TSPEAR: variants seen among roughly 807,000 people sequenced by gnomAD.
The protein encoded by TSPEAR is thrombospondin-type laminin G domain and EAR repeat-containing protein.
TSPEAR carries 69 observed loss-of-function variants against 71.6 expected under a neutral mutation model. The observed-to-expected ratio is 0.96, with a 90% confidence interval of 0.79 to 1.18. The LOEUF (loss-of-function observed/expected upper bound fraction) is 1.18. Ranked by LOEUF, TSPEAR falls within the 50% of genes most tolerant of loss-of-function variation. The pLI, the probability that TSPEAR is intolerant of heterozygous loss-of-function variation, is 0.00. For synonymous variants in TSPEAR, 402 were observed against 387.2 expected (o/e 1.04, Z -0.45); for missense variants, 971 against 894.9 (o/e 1.09, Z -1.09).
At chr21:44,539,070 G>C in intron 2 of TSPEAR, 1 of 671,254 alleles carries the variant, frequency 1.5e-6, no homozygotes, top group Non-Finnish European at 2.5e-6. Flanking sequence ...GAGAAGCTGG[G>C]AGGGAGGACA....
intron 11 of TSPEAR, among the ~76,000 whole-genome samples, chr21:44,502,605 C>T (rs1004925465): frequency 3.9e-5 from 6 of 152,278 alleles, no homozygotes; most frequent in Admixed American, 2.6e-4. Flanking sequence ...GATGTCCACA[C>T]GCCGCATCCC....
chr21:44,539,088 T>C (rs587717851), intron 2 of TSPEAR: 151 of 789,514 alleles, frequency 1.9e-4, no homozygotes, highest in African/African-American at 1.3e-3. Flanking sequence ...ACAGGGGACC[T>C]AGCAGGCAGG....
chr21:44,599,710 G>T (rs1195256120), intron 1 of TSPEAR, among the ~76,000 whole-genome samples: 4 of 152,254 alleles, frequency 2.6e-5, no homozygotes. Context: ...AAAAAGATGT[G>T]GTGGCCAATT....
chr21:44,533,202 C>T (rs1179263143), intron 3 of TSPEAR, among the ~76,000 whole-genome samples: 3 of 152,180 alleles, frequency 2.0e-5, no homozygotes, highest in South Asian at 2.1e-4. Flanking sequence ...ATAAACGCTC[C>T]GCGGGAGAGG....
In TSPEAR at chr21:44,674,675, C is replaced by T. The variant is rs587608153; in HGVS notation, c.82+36758G>A. ...GAGGCTGTGGTGAGCCATGACCACA[C>T]CACGACTGGGTCATTGCACTCCAGC... On this transcript the variant is annotated intron_variant, in intron 1 of 11. Transcript: ENST00000323084. Among the ~76,000 whole-genome samples the T allele has an allele frequency of 2.9e-3, 442 of 151,868 alleles. 1 individual carries two copies. Among genetic ancestry groups the T allele is most frequent in the Non-Finnish European group, 4.6e-3 (315 of 67,978 alleles).
rs1986337171 is a variant in TSPEAR at position 44,676,865 on chromosome 21, C to T, written c.82+34568G>A. ...AAGGCTAATGTGATGTGCTGCTTTT[C>T]TGTGGCCTTCTGTTCTGCTAGCTCT... On this transcript the variant is annotated intron_variant, in intron 1 of 11. Coordinates refer to ENST00000323084, the MANE Select transcript of TSPEAR (RefSeq NM_144991.3). 9.7e-6 allele frequency: 9 copies of T among 923,730 alleles called. No homozygotes were observed. The South Asian group carries it at 1.2e-4, about 12-fold the overall frequency. The allele number at this position is 923,730 out of a possible 1,614,324, so 57.2% of individuals were successfully genotyped here.
At position 44,646,382 on chromosome 21, in the gene TSPEAR, C is replaced by A. The variant is rs587655036; in HGVS notation, c.82+65051G>T. 377 of 1,541,412 alleles carry A rather than the reference C, an allele frequency of 2.4e-4. 2 individuals carry two copies. The highest frequency in any genetic ancestry group is 1.6e-3 in the South Asian group (130 of 79,808). On this transcript the variant is annotated intron_variant, in intron 1 of 11. Transcript: ENST00000323084. ...GATTTAAAAGCCCCACAGCCCTGAG[C>A]ACCTCACTCACTCACTCACACACAC...
At chr21:44,588,994 T>TC (rs1205818784) in intron 1 of TSPEAR, among the ~76,000 whole-genome samples, 2 of 151,728 alleles carry the variant, frequency 1.3e-5, no homozygotes, top group South Asian at 2.1e-4. Flanking sequence ...CTTTGGGGAC[T>TC]GAGAGGGAAA....
At chr21:44,581,620 C>G (rs1462401979) in intron 1 of TSPEAR, among the ~76,000 whole-genome samples, 1 of 152,094 alleles carries the variant, frequency 6.6e-6, no homozygotes, top group Admixed American at 6.5e-5. Context: ...ATTTTACTTT[C>G]TGTGGTTAGA....
chr21:44,626,650 C>T (rs587684636), intron 1 of TSPEAR, among the ~76,000 whole-genome samples: 1 of 152,246 alleles, frequency 6.6e-6, no homozygotes, highest in Admixed American at 6.5e-5. Context: ...TAGAAATTGG[C>T]GAGTCCTGTG....
chr21:44,563,934 CA>C (rs2053672040), intron 2 of TSPEAR, among the ~76,000 whole-genome samples: 2 of 152,208 alleles, frequency 1.3e-5, no homozygotes, highest in African/African-American at 4.8e-5. Flanking sequence ...AGGCACATCA[CA>C]GCCTTTTTGC....
At chr21:44,706,376 CACACACGCGCGTGCACCCAT>C (rs1452777154) in intron 1 of TSPEAR, among the ~76,000 whole-genome samples, 1 of 151,790 alleles carries the variant, frequency 6.6e-6, no homozygotes, top group Non-Finnish European at 1.5e-5. Flanking sequence ...CCCATGCACG[CACACACGCGCGTGCACCCAT>C]GCGCACGCAC....
In TSPEAR at chr21:44,567,954, G is replaced by A. The variant is rs782140950; in HGVS notation, c.134C>T (p.Thr45Ile). ...AACCTGAACTATCCTGATCCCGCTT[G>A]TGGCGCCATCAGAAGGGACCACTTC... is the stretch of plus-strand genomic sequence containing the variant. ...LAEVVPSDGA[T>I]SGIRIVQVHG... The change falls in exon 2 of 12, where the codon ACA becomes ATA. Residue 45 changes from threonine to isoleucine, a missense_variant. Coordinates refer to ENST00000323084, the MANE Select transcript of TSPEAR (RefSeq NM_144991.3). The A allele has an allele frequency of 1.9e-6, 3 of 1,578,994 alleles. No individual in the cohort carries two copies. The South Asian group carries it at 3.5e-5, about 18-fold the overall frequency.
chr21:44,535,619 AGC>A (rs1462759279), intron 2 of TSPEAR, among the ~76,000 whole-genome samples: 1 of 152,160 alleles, frequency 6.6e-6, no homozygotes, highest in Non-Finnish European at 1.5e-5. Flanking sequence ...TTCCCACAGT[AGC>A]GTGCTGGAAG....
At chr21:44,624,634 G>A (rs1248551120) in intron 1 of TSPEAR, among the ~76,000 whole-genome samples, 5 of 152,156 alleles carry the variant, frequency 3.3e-5, no homozygotes, top group Admixed American at 3.3e-4. Context: ...TCATCCTAGG[G>A]CGTAATCCTT....
chr21:44,527,894 C>A (rs1164227457), intron 6 of TSPEAR, among the ~76,000 whole-genome samples: 2 of 152,190 alleles, frequency 1.3e-5, no homozygotes, highest in African/African-American at 4.8e-5. Flanking sequence ...TCTATCGCCA[C>A]CTCCACTCAC....
chr21:44,508,938 T>G, intron 10 of TSPEAR: 1 of 1,528,808 alleles, frequency 6.5e-7, no homozygotes, highest in Non-Finnish European at 8.9e-7. Context: ...AGGTAATGGG[T>G]GTGAAGGGGC....
chr21:44,507,661 C>G (rs920249555), intron 10 of TSPEAR, among the ~76,000 whole-genome samples: 12 of 152,258 alleles, frequency 7.9e-5, no homozygotes, highest in Admixed American at 7.9e-4. Context: ...CCCGAGGCGT[C>G]TGCCTCATCT....
chr21:44,518,517 TG>T (rs1555913808), intron 9 of TSPEAR: 3 of 399,534 alleles, frequency 7.5e-6, no homozygotes, highest in Non-Finnish European at 1.6e-5. Context: ...CACCTCACTT[TG>T]TGATTTAGAA....
Sources: gnomAD v4.1 joint callset for allele counts (sites outside exome capture counted in the v4.1 genomes callset) on GRCh38, gnomAD v4.1.1 for gene constraint, MANE v1.5 for transcripts, NCBI Gene and HGNC (gene_info 2026-07-23, HGNC 2026-07-21) for gene names.